TNR: variants seen among roughly 807,000 people sequenced by gnomAD.
TNR encodes tenascin-R.
In TNR, 45 loss-of-function variants were observed where a neutral mutation model predicts 150.4. That is an observed-to-expected ratio of 0.30 (90% confidence interval 0.24 to 0.38). The LOEUF (loss-of-function observed/expected upper bound fraction) is 0.38. TNR is among the 10% of genes least tolerant of loss of function. The pLI, the probability that TNR is intolerant of heterozygous loss-of-function variation, is 1.00. For missense variants in TNR, 1,544 were observed against 1,759.1 expected, an observed-to-expected ratio of 0.88 and a Z score of 2.19; for synonymous variants, 687 against 678.4, an observed-to-expected ratio of 1.01 and a Z score of -0.20.
At chr1:175,617,902 C>T (rs1195024722) in intron 1 of TNR, among the ~76,000 whole-genome samples, 1 of 152,164 alleles carries the variant, frequency 6.6e-6, no homozygotes, top group Non-Finnish European at 1.5e-5. Context: ...GAAACTGATA[C>T]TCAGAAAGGT....
intron 18 of TNR, 70 bp from the exon 19 acceptor site, chr1:175,337,749 TAGA>T (rs1450856576): frequency 3.2e-6 from 5 of 1,554,376 alleles, no homozygotes; most frequent in East Asian, 4.7e-5. Context: ...CCTTGGATCA[TAGA>T]AGGTCTTAGC....
At chr1:175,410,324 T>G (rs1274102631) in intron 2 of TNR, among the ~76,000 whole-genome samples, 1 of 152,240 alleles carries the variant, frequency 6.6e-6, no homozygotes, top group African/African-American at 2.4e-5. Context: ...AGATGGTCAC[T>G]GTTCTCAAAT....
chr1:175,611,402 G>T (rs1429831686), intron 1 of TNR, among the ~76,000 whole-genome samples: 13 of 151,906 alleles, frequency 8.6e-5, no homozygotes, highest in African/African-American at 3.1e-4. Flanking sequence ...GTATAATCAT[G>T]GCTCACTGCA....
In TNR at chr1:175,529,110, C is replaced by T. The variant is rs180804102; in HGVS notation, c.-164-741G>A. 5.9e-5 allele frequency among the ~76,000 whole-genome samples: 9 copies of T among 152,288 alleles called. No homozygotes were observed. In the South Asian group the frequency reaches 1.7e-3, roughly 28 times the overall value. ...CTACGCAGATCTTCAGCCAGGCCTC[C>T]GCTACACAATTTCCAAGGAAGTGTC... On this transcript the variant is annotated intron_variant, in intron 1 of 22. Transcript: ENST00000367674.
Position 175,317,085 on chromosome 1 carries a change from C to A in TNR, c.*6272G>T, listed in dbSNP as rs1470741377. 2 of 152,184 alleles carry A rather than the reference C, an allele frequency of 1.3e-5. No individual in the cohort carries two copies. The highest frequency in any genetic ancestry group is 1.3e-4 in the Admixed American group (2 of 15,282). 9.4% of individuals were successfully genotyped at this position (152,184 alleles called of 1,614,324 possible). A position where few individuals can be genotyped will look rare whatever the true frequency, so the allele number is the denominator to read the frequency against. Reference sequence around the variant, plus strand: ...ATGTTACTTAACCTTCCTGGCCCTCCCTTCCCTCTTCTATAAAATGGTTAA... The same window carrying A: ...ATGTTACTTAACCTTCCTGGCCCTCACTTCCCTCTTCTATAAAATGGTTAA... On this transcript the variant is annotated 3_prime_UTR_variant, in exon 23 of 23. Coordinates refer to ENST00000367674, the MANE Select transcript of TNR (RefSeq NM_003285.3).
At chr1:175,398,198 C>A (rs1311657582) in intron 4 of TNR, among the ~76,000 whole-genome samples, 1 of 152,098 alleles carries the variant, frequency 6.6e-6, no homozygotes, top group East Asian at 1.9e-4. Flanking sequence ...TTAACAGATC[C>A]AAGACTCACA....
At chr1:175,658,635 A>C (rs1334089279) in intron 1 of TNR, among the ~76,000 whole-genome samples, 1 of 152,230 alleles carries the variant, frequency 6.6e-6, no homozygotes, top group Non-Finnish European at 1.5e-5. Flanking sequence ...ATGATCTGGC[A>C]ATATATCTTC....
At chr1:175,687,851 C>T (rs1571752990) in intron 1 of TNR, among the ~76,000 whole-genome samples, 1 of 152,118 alleles carries the variant, frequency 6.6e-6, no homozygotes, top group South Asian at 2.1e-4. Context: ...CTGTTAGCGC[C>T]CCCCACCACA....
At position 175,482,721 on chromosome 1, in the gene TNR, T is replaced by G. The variant is rs1657860760; in HGVS notation, c.-64+45548A>C. 2.6e-5 allele frequency among the ~76,000 whole-genome samples: 4 copies of G among 152,146 alleles called. No individual in the cohort carries two copies. The South Asian group carries it at 8.3e-4, about 32-fold the overall frequency. On this transcript the variant is annotated intron_variant, in intron 2 of 22. Transcript: ENST00000367674. ...AACTGGCTAGAAACAATCCAATAAA[T>G]TAAGGCATTAAGACCCCTCTACTCC...
intron 9 of TNR, among the ~76,000 whole-genome samples, chr1:175,376,498 C>G (rs1254087512): frequency 6.6e-6 from 1 of 152,176 alleles, no homozygotes; most frequent in East Asian, 1.9e-4. Flanking sequence ...AGGCTCTTAG[C>G]ATGTTGCATG....
intron 1 of TNR, among the ~76,000 whole-genome samples, chr1:175,662,680 G>C (rs1665415103): frequency 6.6e-6 from 1 of 152,164 alleles, no homozygotes; most frequent in Non-Finnish European, 1.5e-5. Flanking sequence ...TCTGTAACCT[G>C]TCCTCAGGAC....
chr1:175,362,655 A>G lies in TNR; in HGVS notation c.2854+8T>C. On this transcript the variant is annotated splice_region_variant and intron_variant, in intron 14 of 22. Coordinates refer to ENST00000367674, the MANE Select transcript of TNR (RefSeq NM_003285.3). ...TTCTGACTTGACACAGCAGGGAGAC[A>G]TTCCCACCTGTGTGCACAAGAGTAC... 1 of 1,612,744 alleles carries G rather than the reference A, an allele frequency of 6.2e-7. No homozygotes were observed. The highest frequency in any genetic ancestry group is 2.2e-5 in the East Asian group (1 of 44,830).
chr1:175,684,318 C>A lies in TNR; in HGVS notation c.-165+58908G>T, dbSNP rs115298227. Among the ~76,000 whole-genome samples the A allele has an allele frequency of 5.3e-5, 8 of 152,258 alleles. 1 individual carries two copies. Among genetic ancestry groups the A allele is most frequent in the Middle Eastern group, 3.4e-3 (1 of 294 alleles). On this transcript the variant is annotated intron_variant, in intron 1 of 22. Coordinates refer to ENST00000367674, the MANE Select transcript of TNR (RefSeq NM_003285.3). Reference sequence around the variant, plus strand: ...TGCACAAAATAGATGCAGAGCCTACCCTCCTACCCTCCCAGAACTTACAGT... The same window carrying A: ...TGCACAAAATAGATGCAGAGCCTACACTCCTACCCTCCCAGAACTTACAGT...
chr1:175,629,816 G>T (rs1303245664), intron 1 of TNR, among the ~76,000 whole-genome samples: 1 of 152,202 alleles, frequency 6.6e-6, no homozygotes, highest in East Asian at 1.9e-4. Flanking sequence ...TCCTTGGATT[G>T]TTCTTAAAGA....
At chr1:175,511,776 T>C (rs919382067) in intron 2 of TNR, among the ~76,000 whole-genome samples, 8 of 152,220 alleles carry the variant, frequency 5.3e-5, no homozygotes, top group Non-Finnish European at 8.8e-5. Flanking sequence ...TCCCCTTTCC[T>C]TCCCCTGACC....
intron 9 of TNR, among the ~76,000 whole-genome samples, chr1:175,377,232 C>T (rs554247206): frequency 3.5e-4 from 53 of 152,268 alleles, no homozygotes; most frequent in African/African-American, 1.3e-3. Context: ...ATGAGAGTTC[C>T]TGGAATAAGA....
intron 2 of TNR, among the ~76,000 whole-genome samples, chr1:175,489,192 G>T (rs936359261): frequency 6.6e-6 from 1 of 152,178 alleles, no homozygotes; most frequent in South Asian, 2.1e-4. Flanking sequence ...GATCACCCGG[G>T]GCCCAGCCAG....
chr1:175,426,633 C>T (rs985773948), intron 2 of TNR, among the ~76,000 whole-genome samples: 2 of 151,586 alleles, frequency 1.3e-5, no homozygotes, highest in African/African-American at 4.9e-5. Flanking sequence ...TTCATCATGG[C>T]CAATTTAGAA....
At chr1:175,393,183 A>G (rs1288664430) in intron 6 of TNR, among the ~76,000 whole-genome samples, 1 of 152,224 alleles carries the variant, frequency 6.6e-6, no homozygotes, top group African/African-American at 2.4e-5. Flanking sequence ...TAAATAAAAT[A>G]CTGCTTTAGA....
Sources: allele counts gnomAD v4.1 joint callset (sites outside exome capture counted in the v4.1 genomes callset), GRCh38; gene constraint gnomAD v4.1.1; transcripts MANE v1.5; gene names NCBI Gene and HGNC (gene_info 2026-07-23, HGNC 2026-07-21).